The following SDK1 variants were observed in gnomAD, a reference collection of about 807,000 sequenced individuals.
SDK1 encodes sidekick cell adhesion molecule 1, also known as protein sidekick-1.
A neutral mutation model predicts 245.5 loss-of-function variants in SDK1; 157 were observed. The observed-to-expected ratio is 0.64, with a 90% CI of 0.56 to 0.73. The LOEUF (loss-of-function observed/expected upper bound fraction) is 0.73. Ranked by LOEUF, SDK1 falls within the 30% of genes least tolerant of loss-of-function variation. The pLI, the probability that SDK1 is intolerant of heterozygous loss-of-function variation, is 0.00. For missense variants in SDK1, 3,583 were observed against 3,002.3 expected (o/e 1.19, Z -4.52); for synonymous variants, 1,647 against 1,278.5 (o/e 1.29, Z -6.15).
chr7:3,734,956 C>T (rs1779278805), intron 4 of SDK1, among the ~76,000 whole-genome samples: 1 of 152,160 alleles, frequency 6.6e-6, no homozygotes, highest in African/African-American at 2.4e-5. Context: ...GTCCTTCATT[C>T]TCCCGACGTG....
At chr7:4,034,390 G>A (rs1347937215) in intron 17 of SDK1, among the ~76,000 whole-genome samples, 1 of 152,194 alleles carries the variant, frequency 6.6e-6, no homozygotes, top group Non-Finnish European at 1.5e-5. Context: ...TGCCAATATT[G>A]TGGTTACCTG....
At chr7:4,000,102 A>G (rs1051590840) in intron 14 of SDK1, among the ~76,000 whole-genome samples, 13 of 152,202 alleles carry the variant, frequency 8.5e-5, no homozygotes, top group African/African-American at 3.1e-4. Flanking sequence ...TCATTCCCGA[A>G]TTGCTGATGG....
At chr7:3,845,204 T>C (rs1780246592) in intron 5 of SDK1, among the ~76,000 whole-genome samples, 1 of 151,972 alleles carries the variant, frequency 6.6e-6, no homozygotes. Flanking sequence ...ACCAAACCCA[T>C]TGAAAGAGAG....
chr7:4,206,085 C>G, intron 36 of SDK1, 91 bp downstream of exon 36: 3 of 826,446 alleles, frequency 3.6e-6, no homozygotes, highest in Non-Finnish European at 5.6e-6. Flanking sequence ...GCAGCAGACC[C>G]CGCAGGCGCT....
At chr7:4,176,117 C>G (rs945908287) in intron 34 of SDK1, among the ~76,000 whole-genome samples, 2 of 148,528 alleles carry the variant, frequency 1.3e-5, no homozygotes, top group Non-Finnish European at 3.0e-5. Flanking sequence ...CTTCCTTCTT[C>G]CTTTTTTTTT....
At chr7:3,423,530 C>T (rs879724255) in intron 1 of SDK1, among the ~76,000 whole-genome samples, 3 of 148,926 alleles carry the variant, frequency 2.0e-5, no homozygotes, top group Non-Finnish European at 4.4e-5. Context: ...AGAGGTTAAT[C>T]GATAAAGAAC....
intron 44 of SDK1, among the ~76,000 whole-genome samples, chr7:4,256,144 T>G (rs1787612047): frequency 6.6e-6 from 1 of 152,188 alleles, no homozygotes; most frequent in South Asian, 2.1e-4. Context: ...GGTCTCGAAC[T>G]CCTGACCTCA....
chr7:3,994,762 A>G (rs1480495314), intron 14 of SDK1, among the ~76,000 whole-genome samples: 2 of 152,102 alleles, frequency 1.3e-5, no homozygotes, highest in Admixed American at 1.3e-4. Context: ...TATCAAATCC[A>G]CTGCCCTGCC....
intron 1 of SDK1, among the ~76,000 whole-genome samples, chr7:3,385,278 A>G (rs1000420468): frequency 2.6e-5 from 4 of 152,138 alleles, no homozygotes; most frequent in Non-Finnish European, 4.4e-5. Flanking sequence ...ATTTTTAACC[A>G]ATTGGAAGGT....
intron 4 of SDK1, among the ~76,000 whole-genome samples, chr7:3,778,416 A>C (rs1041595470): frequency 6.6e-6 from 1 of 152,178 alleles, no homozygotes. Flanking sequence ...GAGAAACGCT[A>C]TTTCCCATTG....
At chr7:3,702,297 C>G (rs7804113) in intron 4 of SDK1, among the ~76,000 whole-genome samples, 11,102 of 152,146 alleles carry the variant, frequency 0.073, 1,341 homozygotes, top group African/African-American at 0.25. Flanking sequence ...AAATCTAATG[C>G]TAAAATGGGC....
chr7:4,015,265 C>G (rs964947669), intron 16 of SDK1, among the ~76,000 whole-genome samples: 5 of 152,170 alleles, frequency 3.3e-5, no homozygotes, highest in African/African-American at 1.2e-4. Flanking sequence ...TCTTCCGATG[C>G]TGGTTCCTCA....
intron 17 of SDK1, among the ~76,000 whole-genome samples, chr7:4,021,771 C>G (rs1320596206): frequency 6.6e-6 from 1 of 152,222 alleles, no homozygotes; most frequent in African/African-American, 2.4e-5. Context: ...GTGGCAGAGG[C>G]TGGCAACGTG....
intron 2 of SDK1, among the ~76,000 whole-genome samples, chr7:3,621,173 G>A (rs1173923242): frequency 6.6e-6 from 1 of 152,154 alleles, no homozygotes; most frequent in Non-Finnish European, 1.5e-5. Flanking sequence ...ATGTGACATT[G>A]TAAGGCTCAG....
intron 1 of SDK1, among the ~76,000 whole-genome samples, chr7:3,331,744 A>C (rs766354738): frequency 1.3e-5 from 2 of 151,976 alleles, no homozygotes; most frequent in African/African-American, 4.8e-5. Flanking sequence ...GACACAGTCA[A>C]CATTTTTTTT....
At chr7:3,875,936 C>G (rs1016978493) in intron 5 of SDK1, among the ~76,000 whole-genome samples, 1 of 152,202 alleles carries the variant, frequency 6.6e-6, no homozygotes, top group Non-Finnish European at 1.5e-5. Flanking sequence ...CTTCTTTGTT[C>G]TCTCACTTGC....
chr7:3,913,401 C>T (rs1779254415), intron 5 of SDK1, among the ~76,000 whole-genome samples: 1 of 151,208 alleles, frequency 6.6e-6, no homozygotes, highest in African/African-American at 2.4e-5. Flanking sequence ...TCACGCCATT[C>T]TCCTGCCTCA....
At chr7:3,803,046 A>G (rs148009469) in intron 4 of SDK1, among the ~76,000 whole-genome samples, 3 of 152,356 alleles carry the variant, frequency 2.0e-5, no homozygotes, top group Admixed American at 2.0e-4. Flanking sequence ...AAACTACCAA[A>G]GTATTTTCCA....
intron 14 of SDK1, among the ~76,000 whole-genome samples, chr7:3,994,557 A>T (rs1583766601): frequency 6.6e-6 from 1 of 151,466 alleles, no homozygotes; most frequent in South Asian, 2.1e-4. Flanking sequence ...TGGGAGGATC[A>T]CTTGAACCCA....
Sources: allele counts gnomAD v4.1 joint callset (sites outside exome capture counted in the v4.1 genomes callset), GRCh38; gene constraint gnomAD v4.1.1; transcripts MANE v1.5; gene names NCBI Gene and HGNC (gene_info 2026-07-23, HGNC 2026-07-21).